Variants in ZNF609 observed in about 807,000 individuals in gnomAD.
The protein encoded by ZNF609 is zinc finger protein 609.
ZNF609 carries 11 observed loss-of-function variants against 109.5 expected under a neutral mutation model. The ratio of observed to expected loss-of-function variants is 0.10; its 90% confidence interval spans 0.06 to 0.17. The LOEUF is 0.17. Among genes scored for constraint, ZNF609 ranks in the 10% least tolerant of loss-of-function variants. The pLI is 1.00. For synonymous variants in ZNF609, 646 were observed against 662.0 expected (o/e 0.98, Z 0.37); for missense variants, 1,559 against 1,772.4 (o/e 0.88, Z 2.16).
intron 2 of ZNF609, among the ~76,000 whole-genome samples, chr15:64,512,047 A>G (rs750717220): frequency 5.9e-5 from 9 of 151,648 alleles, no homozygotes; most frequent in Non-Finnish European, 1.2e-4. Flanking sequence ...AGGTGCTTGT[A>G]ATGTTCTTCT....
At chr15:64,669,120 G>C (rs531387570) in intron 3 of ZNF609, among the ~76,000 whole-genome samples, 106 of 152,228 alleles carry the variant, frequency 7.0e-4, no homozygotes, top group Admixed American at 1.6e-3. Context: ...GTATATGAAT[G>C]AGTATGTCCT....
intron 2 of ZNF609, among the ~76,000 whole-genome samples, chr15:64,542,583 G>A (rs1385981262): frequency 6.6e-6 from 1 of 152,078 alleles, no homozygotes; most frequent in Non-Finnish European, 1.5e-5. Context: ...AGTTTTCATT[G>A]TTCAACCTAA....
intron 2 of ZNF609, among the ~76,000 whole-genome samples, chr15:64,564,846 T>G (rs908903283): frequency 2.0e-5 from 3 of 151,542 alleles, no homozygotes; most frequent in African/African-American, 7.3e-5. Flanking sequence ...ACTAACTGTT[T>G]TTTTTTTTTT....
intron 3 of ZNF609, among the ~76,000 whole-genome samples, chr15:64,646,373 G>C (rs911225106): frequency 1.3e-5 from 2 of 152,010 alleles, no homozygotes; most frequent in Non-Finnish European, 2.9e-5. Flanking sequence ...GCTTATGTCT[G>C]TAATCCTAGC....
chr15:64,676,313 C>T, intron 5 of ZNF609, 57 bp downstream of exon 5: 1 of 1,505,772 alleles, frequency 6.6e-7, no homozygotes, highest in Non-Finnish European at 8.9e-7. Flanking sequence ...CTATCTTCCT[C>T]ACAAATAAGG....
chr15:64,602,716 C>CTTTTTTTT (rs10600561), intron 2 of ZNF609, among the ~76,000 whole-genome samples: 6 of 55,564 alleles, frequency 1.1e-4, no homozygotes, highest in African/African-American at 3.3e-4. Flanking sequence ...TTTTTTCTTT[C>CTTTTTTTT]TTTTTTTTTT....
In ZNF609 at chr15:64,670,716, TA is replaced by T. The variant is rs558801958; in HGVS notation, c.1061+288del. Reference sequence around the variant, plus strand: ...CAACATGGAGAAACCCCGTCTCTACTAAAAATAAAAAATTAGCCAGGCATGG... The same window carrying T: ...CAACATGGAGAAACCCCGTCTCTACTAAAATAAAAAATTAGCCAGGCATGG... On this transcript the variant is annotated intron_variant, in intron 4 of 9. Coordinates refer to ENST00000326648, the MANE Select transcript of ZNF609 (RefSeq NM_015042.2). Among the ~76,000 whole-genome samples, 785 of 151,042 alleles carry T rather than the reference TA, an allele frequency of 5.2e-3. 11 individuals are homozygous for T. The highest frequency in any genetic ancestry group is 0.018 in the African/African-American group (753 of 41,072).
At chr15:64,542,507 A>T (rs1389799809) in intron 2 of ZNF609, among the ~76,000 whole-genome samples, 1 of 152,188 alleles carries the variant, frequency 6.6e-6, no homozygotes, top group South Asian at 2.1e-4. Context: ...GTCACCTTTC[A>T]AATTTCTGTG....
chr15:64,627,284 A>T (rs1486603789), intron 3 of ZNF609, among the ~76,000 whole-genome samples: 1 of 152,206 alleles, frequency 6.6e-6, no homozygotes, highest in Non-Finnish European at 1.5e-5. Flanking sequence ...AAAAATGTAT[A>T]AGAAGCCTTA....
At chr15:64,529,807 C>T (rs1894031653) in intron 2 of ZNF609, 3 of 449,572 alleles carry the variant, frequency 6.7e-6, no homozygotes, top group East Asian at 5.1e-5. Context: ...CTCGGCTCAC[C>T]ACAACCTCTG....
At position 64,681,346 on chromosome 15, in the gene ZNF609, C is replaced by A; in HGVS notation, c.4200C>A (p.Gly1400=). The part of the protein sequence containing the change: ...SSTAIVASQQ[G]STPSLYPPPR... ...CAGCCATTGTTGCCAGCCAACAAGG[C>A]TCAACTCCCTCACTCTACCCACCCC... The change falls in exon 9 of 10, where the codon GGC becomes GGA. Residue 1400 remains glycine (G), a synonymous_variant. Coordinates refer to ENST00000326648, the MANE Select transcript of ZNF609 (RefSeq NM_015042.2). The A allele has an allele frequency of 6.2e-7, 1 of 1,614,128 alleles. No homozygotes were observed.
intron 1 of ZNF609, among the ~76,000 whole-genome samples, chr15:64,493,994 G>C (rs1433422678): frequency 6.6e-6 from 1 of 152,144 alleles, no homozygotes; most frequent in East Asian, 1.9e-4. Flanking sequence ...GTGTATCTTT[G>C]GAAATGTACC....
At chr15:64,520,875 A>G (rs1893881347) in intron 2 of ZNF609, among the ~76,000 whole-genome samples, 1 of 152,148 alleles carries the variant, frequency 6.6e-6, no homozygotes. Flanking sequence ...AGATTATTTT[A>G]TTATCTTTCT....
chr15:64,671,110 T>G (rs964908274), intron 4 of ZNF609, among the ~76,000 whole-genome samples: 3 of 142,286 alleles, frequency 2.1e-5, no homozygotes, highest in Non-Finnish European at 4.5e-5. Context: ...CTCGGGAGGC[T>G]GAGGCAGGAG....
At chr15:64,491,770 A>T (rs1472734195) in intron 1 of ZNF609, among the ~76,000 whole-genome samples, 1 of 152,062 alleles carries the variant, frequency 6.6e-6, no homozygotes, top group East Asian at 1.9e-4. Flanking sequence ...GCTTGAACCC[A>T]GGAGGTGGAG....
intron 2 of ZNF609, among the ~76,000 whole-genome samples, chr15:64,557,033 C>A (rs930843603): frequency 6.6e-6 from 1 of 152,062 alleles, no homozygotes; most frequent in African/African-American, 2.4e-5. Context: ...TTTAGTTCTT[C>A]TTTCTGACAT....
At chr15:64,469,036 T>TAAA (rs34593010) in intron 1 of ZNF609, among the ~76,000 whole-genome samples, 1,275 of 60,524 alleles carry the variant, frequency 0.021, 171 homozygotes, top group Middle Eastern at 0.033. Context: ...CCTCATATCT[T>TAAA]AAAAAAAAAA....
upstream of ZNF609, among the ~76,000 whole-genome samples, chr15:64,459,990 A>C (rs929389115): frequency 1.4e-4 from 21 of 152,154 alleles, no homozygotes; most frequent in African/African-American, 5.1e-4. Flanking sequence ...GGGAAAAGGG[A>C]TATATAGAGG....
chr15:64,679,698 C>G (rs1457826036), intron 6 of ZNF609, among the ~76,000 whole-genome samples: 3 of 152,204 alleles, frequency 2.0e-5, no homozygotes, highest in Non-Finnish European at 2.9e-5. Context: ...AGGCGCTGTC[C>G]TCTGAGATTT....
Sources: gnomAD v4.1 joint callset for allele counts (sites outside exome capture counted in the v4.1 genomes callset) on GRCh38, gnomAD v4.1.1 for gene constraint, MANE v1.5 for transcripts, NCBI Gene and HGNC (gene_info 2026-07-23, HGNC 2026-07-21) for gene names.